The following STX11 variants were observed in gnomAD, a reference collection of about 807,000 sequenced individuals.
STX11 encodes the protein syntaxin-11.
In STX11, 21 loss-of-function variants were observed where a neutral mutation model predicts 19.9. The observed-to-expected ratio is 1.06, with a 90% CI of 0.75 to 1.52. STX11 has a LOEUF of 1.52. Ranked by LOEUF, STX11 falls within the 40% of genes most tolerant of loss-of-function variation. The pLI, the probability that STX11 is intolerant of heterozygous loss-of-function variation, is 0.00. For missense variants in STX11, 438 were observed against 405.9 expected, an observed-to-expected ratio of 1.08 and a Z score of -0.68; for synonymous variants, 193 against 174.4, an observed-to-expected ratio of 1.11 and a Z score of -0.84.
chr6:144,172,704 C>T lies in STX11; in HGVS notation c.-5-13919C>T, dbSNP rs56247219. 0.12 allele frequency among the ~76,000 whole-genome samples: 18,132 copies of T among 152,094 alleles called. 1,791 individuals are homozygous for T. The highest frequency in any genetic ancestry group is 0.46 in the East Asian group (2,375 of 5,164). ...TCTCATCAGATTATAGTATTAGCCT[C>T]GAAGTCTAGAGACTTATGCCTGATC... On this transcript the variant is annotated intron_variant, in intron 1 of 1. Coordinates refer to ENST00000367568, the MANE Select transcript of STX11 (RefSeq NM_003764.4). This position sits in a 1 kb window ranked among gnomAD's most constrained non-coding sequence, Gnocchi z 4.2.
the STX11 span, among the ~76,000 whole-genome samples, chr6:144,143,016 C>T: frequency 6.6e-6 from 1 of 152,010 alleles, no homozygotes; most frequent in East Asian, 1.9e-4. Flanking sequence ...TCATATGTAC[C>T]CCACAAATAT....
chr6:144,174,308 G>A lies in STX11; in HGVS notation c.-5-12315G>A, dbSNP rs1801719502. On this transcript the variant is annotated intron_variant, in intron 1 of 1. Coordinates refer to ENST00000367568, the MANE Select transcript of STX11 (RefSeq NM_003764.4). The surrounding 1 kb of genome is among the most constrained non-coding windows in gnomAD (Gnocchi z 5.3). ...GCCACCCTCAGACTCAAGGAGTTGAGAAATAGTCTGTACCTCTTGATCAGA... is the reference window on the plus strand; with the variant it reads ...GCCACCCTCAGACTCAAGGAGTTGAAAAATAGTCTGTACCTCTTGATCAGA... Among the ~76,000 whole-genome samples the A allele has an allele frequency of 6.6e-6, 1 of 152,182 alleles. No homozygotes were observed. The highest frequency in any genetic ancestry group is 2.4e-5 in the African/African-American group (1 of 41,440).
rs925165929 is a variant in STX11 at position 144,155,902 on chromosome 6, T to G, written c.-6+5199T>G. Among the ~76,000 whole-genome samples, 18 of 152,204 alleles carry G rather than the reference T, an allele frequency of 1.2e-4. No homozygotes were observed. Among genetic ancestry groups the G allele is most frequent in the Admixed American group, 1.3e-4 (2 of 15,276 alleles). ...AGTTGTAGAATTGGTAATTTTCAGT[T>G]GCCCTTCTTGAGCTAATTAAATGTG... On this transcript the variant is annotated intron_variant, in intron 1 of 1. Coordinates refer to ENST00000367568, the MANE Select transcript of STX11 (RefSeq NM_003764.4). This position sits in a 1 kb window ranked among gnomAD's most constrained non-coding sequence, Gnocchi z 4.5.
chr6:144,157,098 A>G (rs1218623028), intron 1 of STX11, among the ~76,000 whole-genome samples: 2 of 152,202 alleles, frequency 1.3e-5, no homozygotes, highest in African/African-American at 4.8e-5. Flanking sequence ...TTGCCAGGAA[A>G]CAGACCCTGA....
rs531882954 is a variant in STX11, at chr6:144,180,818, A to G, written c.-5-5805A>G. ...AAAATTTTAAGATTCTATGTGCCAA[A>G]TATAGTAGGCTATTCAAAGCAGGAT... On this transcript the variant is annotated intron_variant, in intron 1 of 1. Coordinates refer to ENST00000367568, the MANE Select transcript of STX11 (RefSeq NM_003764.4). This position sits in a 1 kb window ranked among gnomAD's most constrained non-coding sequence, Gnocchi z 5.3. 6.6e-6 allele frequency among the ~76,000 whole-genome samples: 1 copy of G among 152,318 alleles called. No individual in the cohort carries two copies. Among genetic ancestry groups the G allele is most frequent in the African/African-American group, 2.4e-5 (1 of 41,568 alleles).
rs967663237 is a variant in STX11, at chr6:144,165,027, A to G, written c.-6+14324A>G. Among the ~76,000 whole-genome samples, 8 of 152,152 alleles carry G rather than the reference A, an allele frequency of 5.3e-5. No homozygotes were observed. Among genetic ancestry groups the G allele is most frequent in the Non-Finnish European group, 1.0e-4 (7 of 68,028 alleles). On this transcript the variant is annotated intron_variant, in intron 1 of 1. Coordinates refer to ENST00000367568, the MANE Select transcript of STX11 (RefSeq NM_003764.4). This position sits in a 1 kb window ranked among gnomAD's most constrained non-coding sequence, Gnocchi z 5.8. ...AGCTTAAAAAGAGCACAGTTGCTAC[A>G]TGGAACAGTTTCAATTGGGGTAAAT...
the STX11 span, chr6:144,140,749 C>G: frequency 1.0e-6 from 1 of 985,226 alleles, no homozygotes; most frequent in Non-Finnish European, 1.2e-6. Context: ...GGAGCAGCCT[C>G]AAGGGGATGA....
rs1983773 is a variant in STX11 at position 144,160,630 on chromosome 6, A to C, written c.-6+9927A>C. Among the ~76,000 whole-genome samples the C allele has an allele frequency of 0.57, 87,015 of 151,930 alleles. 27,987 individuals carry two copies. The highest frequency in any genetic ancestry group is 0.88 in the African/African-American group (36,480 of 41,458). On this transcript the variant is annotated intron_variant, in intron 1 of 1. Transcript: ENST00000367568. The surrounding 1 kb of genome is among the most constrained non-coding windows in gnomAD (Gnocchi z 4.3). ...CTACATTAAGTACTAAGAATACCAA[A>C]CATTTGGCTGATTGCAGGGAGGGAG... is the stretch of plus-strand genomic sequence containing the variant.
Position 144,150,696 on chromosome 6 carries a change from C to G in STX11, c.-13C>G, listed in dbSNP as rs1292156972. ...GCTTCTCGGTTCGCACTCTCGCTCC[C>G]AGTCCAGGTTTGTTTTTCTCTTCCT... On this transcript the variant is annotated 5_prime_UTR_variant, in exon 1 of 2. Transcript: ENST00000367568. The G allele has an allele frequency of 8.1e-6, 8 of 984,802 alleles. No homozygotes were observed. The highest frequency in any genetic ancestry group is 1.8e-5 in the African/African-American group (1 of 57,024). The allele number at this position is 984,802 out of a possible 1,614,324, so 61.0% of individuals were successfully genotyped here.
the STX11 span, among the ~76,000 whole-genome samples, chr6:144,144,735 A>G: frequency 6.6e-6 from 1 of 152,178 alleles, no homozygotes; most frequent in South Asian, 2.1e-4. Context: ...TACAGTGTAA[A>G]TCTAGAACAA....
the STX11 span, among the ~76,000 whole-genome samples, chr6:144,141,059 G>A: frequency 6.6e-6 from 1 of 152,166 alleles, no homozygotes; most frequent in South Asian, 2.1e-4. Context: ...GCAGACGAAG[G>A]CAATGGTGCA....
In STX11 at chr6:144,189,782, T is replaced by C. The variant is rs891335483; in HGVS notation, c.*2291T>C. ...ACCAAGTTCCACAAGGCTATTCTCATATTTCTCCCAATTTCTTTTTCAGCC... is the reference window on the plus strand; with the variant it reads ...ACCAAGTTCCACAAGGCTATTCTCACATTTCTCCCAATTTCTTTTTCAGCC... On this transcript the variant is annotated 3_prime_UTR_variant, in exon 2 of 2. Transcript: ENST00000367568. Among the ~76,000 whole-genome samples the C allele has an allele frequency of 2.0e-5, 3 of 152,218 alleles. No homozygotes were observed. The highest frequency in any genetic ancestry group is 2.9e-5 in the Non-Finnish European group (2 of 68,036).
chr6:144,165,245 G>A lies in STX11; in HGVS notation c.-6+14542G>A, dbSNP rs1801447244. ...TGAGGCGGGCAGATCACCTGAGGTT[G>A]GGAGTTTGAGACCAACCTGACCAAC... On this transcript the variant is annotated intron_variant, in intron 1 of 1. Coordinates refer to ENST00000367568, the MANE Select transcript of STX11 (RefSeq NM_003764.4). This position sits in a 1 kb window ranked among gnomAD's most constrained non-coding sequence, Gnocchi z 5.8. Among the ~76,000 whole-genome samples the A allele has an allele frequency of 6.6e-6, 1 of 151,892 alleles. No homozygotes were observed. The highest frequency in any genetic ancestry group is 2.1e-4 in the South Asian group (1 of 4,810).
chr6:144,186,036 T>C (rs1802018587), intron 1 of STX11, among the ~76,000 whole-genome samples: 1 of 147,832 alleles, frequency 6.8e-6, no homozygotes, highest in South Asian at 2.1e-4. Flanking sequence ...AGTTTGCAAG[T>C]CTTTCTTCTT....
At chr6:144,148,260 C>T (rs1466106940), upstream of STX11, among the ~76,000 whole-genome samples, 1 of 152,206 alleles carries the variant, frequency 6.6e-6, no homozygotes, top group Non-Finnish European at 1.5e-5. Flanking sequence ...TTTGCCCACG[C>T]TGATATTTCT....
At position 144,170,655 on chromosome 6, in the gene STX11, A is replaced by G. The variant is rs1480026460; in HGVS notation, c.-5-15968A>G. ...TTTCATAATCAGAAGGAGATATTTT[A>G]CAATAAAATAGTTGGAAGAAAGATA... On this transcript the variant is annotated intron_variant, in intron 1 of 1. Transcript: ENST00000367568. The surrounding 1 kb of genome is among the most constrained non-coding windows in gnomAD (Gnocchi z 4.7). 7.9e-5 allele frequency among the ~76,000 whole-genome samples: 12 copies of G among 152,220 alleles called. No homozygotes were observed. The highest frequency in any genetic ancestry group is 7.9e-4 in the Admixed American group (12 of 15,278).
chr6:144,173,422 C>T (rs577107411), intron 1 of STX11, among the ~76,000 whole-genome samples: 1 of 152,284 alleles, frequency 6.6e-6, no homozygotes, highest in African/African-American at 2.4e-5. Context: ...GCAGCTTATT[C>T]AATTTTACCG....
rs1358084907 is a variant in STX11 at position 144,154,547 on chromosome 6, G to T, written c.-6+3844G>T. 6.6e-6 allele frequency among the ~76,000 whole-genome samples: 1 copy of T among 152,164 alleles called. No homozygotes were observed. The highest frequency in any genetic ancestry group is 6.5e-5 in the Admixed American group (1 of 15,284). On this transcript the variant is annotated intron_variant, in intron 1 of 1. Coordinates refer to ENST00000367568, the MANE Select transcript of STX11 (RefSeq NM_003764.4). The surrounding 1 kb of genome is among the most constrained non-coding windows in gnomAD (Gnocchi z 4.7). ...AATGCTCAACTTTTCATATTTCTCA[G>T]ATGCACTCAATGTTTTGTTGCTAAG...
chr6:144,190,267 A>G lies in STX11; in HGVS notation c.*2776A>G, dbSNP rs1802181910. Among the ~76,000 whole-genome samples the G allele has an allele frequency of 6.6e-6, 1 of 152,178 alleles. No homozygotes were observed. Among genetic ancestry groups the G allele is most frequent in the African/African-American group, 2.4e-5 (1 of 41,438 alleles). ...TGCCACATACTAGCTGTCTGACTGAACCTTGGTTTTTCTGTGCTTCAGTTT... is the reference window on the plus strand; with the variant it reads ...TGCCACATACTAGCTGTCTGACTGAGCCTTGGTTTTTCTGTGCTTCAGTTT... On this transcript the variant is annotated 3_prime_UTR_variant, in exon 2 of 2. Transcript: ENST00000367568.
Sources: allele counts gnomAD v4.1 joint callset (sites outside exome capture counted in the v4.1 genomes callset), GRCh38; gene constraint gnomAD v4.1.1; non-coding constraint Gnocchi (gnomAD v3.1); transcripts MANE v1.5; gene names NCBI Gene and HGNC (gene_info 2026-07-23, HGNC 2026-07-21).